NAT9: variants seen among roughly 807,000 people sequenced by gnomAD.
The protein encoded by NAT9 is alpha/beta-tubulin-N-acetyltransferase 9.
A neutral mutation model predicts 24.0 loss-of-function variants in NAT9; 18 were observed. That is an observed-to-expected ratio of 0.75 (90% confidence interval 0.52 to 1.11). The LOEUF (loss-of-function observed/expected upper bound fraction) is 1.11. Among genes scored for constraint, NAT9 ranks in the 50% most tolerant of loss-of-function variants. NAT9 has a pLI of 0.00. For synonymous variants in NAT9, 104 were observed against 102.3 expected, an observed-to-expected ratio of 1.02 and a Z score of -0.10; for missense variants, 254 against 258.6, an observed-to-expected ratio of 0.98 and a Z score of 0.12.
intron 3 of NAT9, 117 bp from the exon 4 acceptor site, chr17:74,773,156 A>G (rs1430340487): frequency 7.8e-7 from 1 of 1,276,744 alleles, no homozygotes. Context: ...CTGCCAGGAG[A>G]AGAGGGGGTC....
intron 2 of NAT9, chr17:74,774,111 G>GC (rs1326942989): frequency 5.5e-6 from 1 of 181,732 alleles, no homozygotes; most frequent in East Asian, 1.3e-4. Context: ...CCAGACATGT[G>GC]CCAACTGCCC....
In NAT9 at chr17:74,773,701, G is replaced by A; in HGVS notation, c.78-13C>T. ...CTCGTGGTACCTGCTGGGACAGAGG[G>A]GTGGCTTTAGACATGGAGGACTCAT... On this transcript the variant is annotated splice_polypyrimidine_tract_variant and intron_variant, in intron 2 of 6. Coordinates refer to ENST00000357814, the MANE Select transcript of NAT9 (RefSeq NM_015654.5). The A allele has an allele frequency of 6.2e-7, 1 of 1,611,758 alleles. No homozygotes were observed. The highest frequency in any genetic ancestry group is 8.5e-7 in the Non-Finnish European group (1 of 1,178,022).
In NAT9 at chr17:74,773,689, C is replaced by A. The variant is rs757462919; in HGVS notation, c.78-1G>T. On this transcript the variant is annotated splice_acceptor_variant, in intron 2 of 6. Transcript: ENST00000357814. LOFTEE classifies it high-confidence loss of function. ...TGATTTCATCCACTCGTGGTACCTG[C>A]TGGGACAGAGGGGTGGCTTTAGACA... The A allele has an allele frequency of 6.8e-6, 11 of 1,613,658 alleles. No individual in the cohort carries two copies. The highest frequency in any genetic ancestry group is 9.3e-6 in the Non-Finnish European group (11 of 1,179,738).
At chr17:74,775,198 T>G (rs1046440264) in intron 2 of NAT9, among the ~76,000 whole-genome samples, 1 of 151,498 alleles carries the variant, frequency 6.6e-6, no homozygotes, top group Non-Finnish European at 1.5e-5. Flanking sequence ...TTTTTTTTGT[T>G]TTTTTTTGAG....
At chr17:74,774,801 C>T (rs921654619) in intron 2 of NAT9, among the ~76,000 whole-genome samples, 17 of 152,134 alleles carry the variant, frequency 1.1e-4, no homozygotes, top group Non-Finnish European at 2.2e-4. Context: ...CCGCCTGCCT[C>T]GGTCTCCCAA....
Position 74,771,153 on chromosome 17 carries a change from G to C in NAT9, c.*571C>G, listed in dbSNP as rs1025497190. ...AGAGGAGGACGGACACTAGGTTGAG[G>C]GGCCAGGCCACACTCACTCTGGACC... On this transcript the variant is annotated 3_prime_UTR_variant, in exon 7 of 7. Transcript: ENST00000357814. 6.2e-6 allele frequency: 1 copy of C among 161,236 alleles called. No individual in the cohort carries two copies. The highest frequency in any genetic ancestry group is 5.7e-5 in the Admixed American group (1 of 17,550). The allele number at this position is 161,236 out of a possible 1,614,324, so 10.0% of individuals were successfully genotyped here.
chr17:74,773,812 T>C (rs907475556), intron 2 of NAT9, 124 bp from the exon 3 acceptor site: 20 of 772,454 alleles, frequency 2.6e-5, no homozygotes, highest in South Asian at 6.2e-5. Context: ...AGGGTTATGA[T>C]TGCTCCTAAG....
Position 74,772,006 on chromosome 17 carries a change from C to A in NAT9, c.443G>T (p.Gly148Val). The A allele has an allele frequency of 6.2e-7, 1 of 1,614,236 alleles. No individual in the cohort carries two copies. The highest frequency in any genetic ancestry group is 8.5e-7 in the Non-Finnish European group (1 of 1,180,034). Residue 148 changes from glycine (G) to valine (V), a missense_variant, in exon 6 of 7, where the codon GGA becomes GTA. Gly to Val is a moderately radical substitution (Grantham distance 109). Transcript: ENST00000357814. ...GAACATCCGGATGCTTGGTTCATTT[C>A]CTTGCCCAATTTTAGCCTCAAACTT... ...LTKFEAKIGQ[G>V]NEPSIRMFQK...
chr17:74,773,310 G>T, intron 3 of NAT9: 1 of 590,274 alleles, frequency 1.7e-6, no homozygotes, highest in Non-Finnish European at 3.0e-6. Context: ...GACATGAGGG[G>T]CAGGGCCTCA....
intron 2 of NAT9, chr17:74,774,133 C>T (rs2035627374): frequency 5.6e-6 from 1 of 179,528 alleles, no homozygotes. Flanking sequence ...CACAGGAATC[C>T]CATCATGACT....
intron 2 of NAT9, 44 bp from the exon 3 acceptor site, chr17:74,773,732 G>A: frequency 1.3e-6 from 2 of 1,523,996 alleles, no homozygotes; most frequent in Non-Finnish European, 1.8e-6. Flanking sequence ...CTCATTCAGA[G>A]GCATACGTCT....
At position 74,775,556 on chromosome 17, in the gene NAT9, G is replaced by C. The variant is rs374343311; in HGVS notation, c.77+66C>G. On this transcript the variant is annotated intron_variant, in intron 2 of 6. Coordinates refer to ENST00000357814, the MANE Select transcript of NAT9 (RefSeq NM_015654.5). Reference sequence around the variant, plus strand: ...TTCTTCTTAGGGGAAATAGCCCTGAGACTGGGGCTGTACCTTACACAGCTC... The same window carrying C: ...TTCTTCTTAGGGGAAATAGCCCTGACACTGGGGCTGTACCTTACACAGCTC... 2.4e-5 allele frequency: 32 copies of C among 1,321,842 alleles called. No individual in the cohort carries two copies. The African/African-American group carries it at 4.4e-4, about 18-fold the overall frequency. 81.9% of individuals were successfully genotyped at this position (1,321,842 alleles called of 1,614,324 possible).
At chr17:74,775,973 A>G (rs769559516) in intron 1 of NAT9, 3 of 395,984 alleles carry the variant, frequency 7.6e-6, no homozygotes, top group Non-Finnish European at 1.4e-5. Context: ...CAGAACTTCG[A>G]TTCCTCAAAC....
At chr17:74,775,601 C>A in intron 2 of NAT9, 21 bp downstream of exon 2, 1 of 1,609,260 alleles carries the variant, frequency 6.2e-7, no homozygotes, top group African/African-American at 1.3e-5. Context: ...ATACGCACCC[C>A]ATGTCAAGCG....
At chr17:74,772,312 G>A in intron 4 of NAT9, 35 bp from the exon 5 acceptor site, 1 of 1,611,378 alleles carries the variant, frequency 6.2e-7, no homozygotes, top group Non-Finnish European at 8.5e-7. Flanking sequence ...CTGACGCCGT[G>A]TGCCAGGCTC....
At chr17:74,772,128 G>A (rs374313569) in intron 5 of NAT9, 74 bp from the exon 6 acceptor site, 29 of 1,613,584 alleles carry the variant, frequency 1.8e-5, no homozygotes, top group African/African-American at 1.7e-4. Context: ...CTGCAGAGGA[G>A]GAACCTTCAC....
At chr17:74,772,098 C>T in intron 5 of NAT9, 44 bp from the exon 6 acceptor site, 1 of 1,613,986 alleles carries the variant, frequency 6.2e-7, no homozygotes, top group Non-Finnish European at 8.5e-7. Flanking sequence ...AGGCGCCTGC[C>T]CCCACCCTCC....
intron 4 of NAT9, 57 bp downstream of exon 4, chr17:74,772,839 C>G: frequency 6.2e-7 from 1 of 1,607,932 alleles, no homozygotes; most frequent in Non-Finnish European, 8.5e-7. Flanking sequence ...TCGGCAGGCT[C>G]AGTCAGCAGA....
chr17:74,774,920 AT>A (rs1397765626), intron 2 of NAT9, among the ~76,000 whole-genome samples: 3 of 148,680 alleles, frequency 2.0e-5, no homozygotes, highest in Non-Finnish European at 4.4e-5. Flanking sequence ...CAGTGGTGTG[AT>A]CTCGGCTCAC....
Sources: gnomAD v4.1 joint callset for allele counts (sites outside exome capture counted in the v4.1 genomes callset) on GRCh38, gnomAD v4.1.1 for gene constraint, MANE v1.5 for transcripts, NCBI Gene and HGNC (gene_info 2026-07-23, HGNC 2026-07-21) for gene names.